Variants in UHRF1 observed in about 807,000 individuals in gnomAD.
UHRF1 encodes the protein E3 ubiquitin-protein ligase UHRF1.
UHRF1 carries 9 observed loss-of-function variants against 96.5 expected under a neutral mutation model. The observed-to-expected ratio is 0.09, with a 90% CI of 0.06 to 0.16. The LOEUF (loss-of-function observed/expected upper bound fraction) is 0.16. Among genes scored for constraint, UHRF1 ranks in the 10% least tolerant of loss-of-function variants. The pLI is 1.00. For missense variants in UHRF1, 626 were observed against 1,131.1 expected (o/e 0.55, Z 6.40); for synonymous variants, 455 against 469.9 (o/e 0.97, Z 0.41).
intron 2 of UHRF1, among the ~76,000 whole-genome samples, chr19:4,921,155 G>C (rs547117558): frequency 6.6e-6 from 1 of 151,098 alleles, no homozygotes; most frequent in African/African-American, 2.4e-5. Flanking sequence ...AAATCGGCCA[G>C]GATGCCGGGC....
chr19:4,946,981 C>A, intron 10 of UHRF1, 124 bp from the exon 11 acceptor site: 1 of 732,612 alleles, frequency 1.4e-6, no homozygotes, highest in South Asian at 1.8e-5. Flanking sequence ...CCCACATTCT[C>A]ACCAACGCTT....
At chr19:4,944,654 G>A (rs1325644735) in intron 9 of UHRF1, among the ~76,000 whole-genome samples, 4 of 152,172 alleles carry the variant, frequency 2.6e-5, no homozygotes, top group Non-Finnish European at 4.4e-5. Context: ...GGGGGTGGGG[G>A]CTGCTGCTCT....
intron 2 of UHRF1, among the ~76,000 whole-genome samples, chr19:4,921,161 C>T (rs183661207): frequency 4.6e-5 from 7 of 151,078 alleles, no homozygotes; most frequent in South Asian, 2.1e-4. Flanking sequence ...GCCAGGATGC[C>T]GGGCACGGTG....
chr19:4,909,354 C>A, upstream of UHRF1: 1 of 595,686 alleles, frequency 1.7e-6, no homozygotes, highest in Non-Finnish European at 3.0e-6. Context: ...TAGGCGGAGG[C>A]GCCGTGGACA....
In UHRF1 at chr19:4,920,906, A is replaced by T. The variant is rs867145879; in HGVS notation, c.154-8316A>T. Reference sequence around the variant, plus strand: ...TTTGGGAGGCCAAGGCGGGTGGATCACGAGGTCAAGAGATCGAAACCATCC... The same window carrying T: ...TTTGGGAGGCCAAGGCGGGTGGATCTCGAGGTCAAGAGATCGAAACCATCC... On this transcript the variant is annotated intron_variant, in intron 2 of 16. Coordinates refer to ENST00000650932, the MANE Select transcript of UHRF1 (RefSeq NM_001048201.3). 1.2e-4 allele frequency among the ~76,000 whole-genome samples: 18 copies of T among 152,214 alleles called. No homozygotes were observed. In the Middle Eastern group the frequency reaches 0.014, roughly 115 times the overall value.
chr19:4,936,078 T>G lies in UHRF1; in HGVS notation c.785+3122T>G, dbSNP rs952347765. On this transcript the variant is annotated intron_variant, in intron 5 of 16. Transcript: ENST00000650932. ...TTTGGGTTCTTCGATTCATTCATGC[T>G]TGTGTCCCGAGCCCTCTGGGGATGC... 2.6e-5 allele frequency among the ~76,000 whole-genome samples: 4 copies of G among 152,154 alleles called. No individual in the cohort carries two copies. In the South Asian group the frequency reaches 8.3e-4, roughly 31 times the overall value.
At chr19:4,909,829 C>T (rs1322380276) in intron 1 of UHRF1, 174 bp downstream of exon 1, 6 of 409,572 alleles carry the variant, frequency 1.5e-5, no homozygotes, top group Admixed American at 9.0e-5. Context: ...CGGCACACAT[C>T]CGGCTGGAGC....
chr19:4,935,206 G>A (rs972764595), intron 5 of UHRF1, among the ~76,000 whole-genome samples: 5 of 152,046 alleles, frequency 3.3e-5, no homozygotes, highest in Non-Finnish European at 7.4e-5. Context: ...GACCTCAGGC[G>A]ATCCACCCAC....
At chr19:4,918,689 C>T (rs990716161) in intron 2 of UHRF1, among the ~76,000 whole-genome samples, 3 of 149,244 alleles carry the variant, frequency 2.0e-5, no homozygotes, top group Non-Finnish European at 3.0e-5. Flanking sequence ...GCTGGGATTA[C>T]AGGCGTGAGC....
At chr19:4,919,740 C>G (rs2032641688) in intron 2 of UHRF1, among the ~76,000 whole-genome samples, 1 of 152,112 alleles carries the variant, frequency 6.6e-6, no homozygotes, top group East Asian at 1.9e-4. Context: ...GGACATTCAA[C>G]TTCACTAGGT....
chr19:4,906,146 T>C (rs2146266090), upstream of UHRF1, among the ~76,000 whole-genome samples: 1 of 152,204 alleles, frequency 6.6e-6, no homozygotes, highest in East Asian at 1.9e-4. Flanking sequence ...CTGGCTAATT[T>C]ATTTTTATTT....
chr19:4,933,004 C>A, intron 5 of UHRF1, 48 bp downstream of exon 5: 1 of 1,532,150 alleles, frequency 6.5e-7, no homozygotes, highest in South Asian at 1.2e-5. Context: ...CTTTCCTCCC[C>A]TCCCGGGGCC....
At chr19:4,907,956 C>A (rs375487487), upstream of UHRF1, among the ~76,000 whole-genome samples, 94 of 152,042 alleles carry the variant, frequency 6.2e-4, no homozygotes, top group East Asian at 0.017. Context: ...AGGTGATCTG[C>A]CTGCCTCGGC....
At position 4,931,000 on chromosome 19, in the gene UHRF1, C is replaced by G. The variant is rs1305752760; in HGVS notation, c.569+124C>G. The G allele has an allele frequency of 3.1e-5, 41 of 1,327,784 alleles. No homozygotes were observed. The East Asian group carries it at 3.3e-4, about 11-fold the overall frequency. The allele number at this position is 1,327,784 out of a possible 1,614,324, so 82.3% of individuals were successfully genotyped here. On this transcript the variant is annotated intron_variant, in intron 4 of 16. Coordinates refer to ENST00000650932, the MANE Select transcript of UHRF1 (RefSeq NM_001048201.3). This position sits in a 1 kb window ranked among gnomAD's most constrained non-coding sequence, Gnocchi z 4.4. ...GGTGATCAGGATCTGGGGCCCCATC[C>G]TCGAATTCCTAACAGCATACGAGGC...
At chr19:4,920,142 TA>T (rs1436533235) in intron 2 of UHRF1, among the ~76,000 whole-genome samples, 1 of 152,024 alleles carries the variant, frequency 6.6e-6, no homozygotes, top group Non-Finnish European at 1.5e-5. Context: ...TAATGAAGAA[TA>T]AAAAGAGGCT....
intron 13 of UHRF1, among the ~76,000 whole-genome samples, chr19:4,952,383 C>T (rs369816873): frequency 1.0e-4 from 14 of 136,458 alleles, no homozygotes; most frequent in Admixed American, 2.3e-4. Flanking sequence ...CGTAAGCCAC[C>T]GCTCCCAGCC....
intron 2 of UHRF1, among the ~76,000 whole-genome samples, chr19:4,924,752 G>A (rs949816771): frequency 2.0e-5 from 3 of 151,706 alleles, no homozygotes; most frequent in African/African-American, 2.4e-5. Flanking sequence ...TTGATGGCCC[G>A]ATGGCCCTCT....
In UHRF1 at chr19:4,944,328, C is replaced by G; in HGVS notation, c.1198-15C>G. On this transcript the variant is annotated splice_polypyrimidine_tract_variant and intron_variant, in intron 8 of 16. Transcript: ENST00000650932. ...GGGCTCACGCTGTTGTTCTTTGTGT[C>G]TGTGCCTGGGACAGGGCATGGCCTG... 1 of 1,614,050 alleles carries G rather than the reference C, an allele frequency of 6.2e-7. No homozygotes were observed.
At chr19:4,957,576 G>A (rs1302464580) in intron 16 of UHRF1, among the ~76,000 whole-genome samples, 3 of 152,096 alleles carry the variant, frequency 2.0e-5, no homozygotes, top group Admixed American at 6.6e-5. Flanking sequence ...CCAAAGTGCT[G>A]GGATTACAGG....
Sources: gnomAD v4.1 joint callset for allele counts (sites outside exome capture counted in the v4.1 genomes callset) on GRCh38, gnomAD v4.1.1 for gene constraint, Gnocchi (gnomAD v3.1) non-coding constraint, MANE v1.5 for transcripts, NCBI Gene and HGNC (gene_info 2026-07-23, HGNC 2026-07-21) for gene names.